PRKAR2B: variants seen among roughly 807,000 people sequenced by gnomAD.
PRKAR2B encodes cAMP-dependent protein kinase type II-beta regulatory subunit.
In PRKAR2B, 14 loss-of-function variants were observed where a neutral mutation model predicts 49.9. That is an observed-to-expected ratio of 0.28 (90% CI 0.19 to 0.44). The LOEUF (loss-of-function observed/expected upper bound fraction) is 0.44, where lower values mean the gene tolerates loss of function less well. Among genes scored for constraint, PRKAR2B ranks in the 20% least tolerant of loss-of-function variants. PRKAR2B has a pLI of 1.00. For synonymous variants in PRKAR2B, 196 were observed against 197.7 expected, an observed-to-expected ratio of 0.99 and a Z score of 0.07; for missense variants, 393 against 537.9, an observed-to-expected ratio of 0.73 and a Z score of 2.67.
intron 1 of PRKAR2B, among the ~76,000 whole-genome samples, chr7:107,061,594 A>G (rs1423376948): frequency 1.3e-5 from 2 of 152,188 alleles, no homozygotes; most frequent in Admixed American, 6.6e-5. Context: ...CAAAGACTTG[A>G]ACACGTCAAT....
intron 2 of PRKAR2B, among the ~76,000 whole-genome samples, chr7:107,105,669 A>T (rs1158211475): frequency 1.3e-5 from 2 of 152,040 alleles, no homozygotes; most frequent in East Asian, 3.9e-4. Context: ...TCAGTCCTCT[A>T]TTCTCTTGGC....
intron 1 of PRKAR2B, among the ~76,000 whole-genome samples, chr7:107,054,086 C>G (rs999618620): frequency 6.6e-6 from 1 of 152,090 alleles, no homozygotes; most frequent in African/African-American, 2.4e-5. Flanking sequence ...TGGTGGCTCA[C>G]AGCCTGTAAT....
intron 2 of PRKAR2B, among the ~76,000 whole-genome samples, chr7:107,104,127 G>A (rs1424205402): frequency 1.3e-5 from 2 of 152,120 alleles, no homozygotes; most frequent in Non-Finnish European, 2.9e-5. Context: ...CGCCTCCTGG[G>A]CTCAAGCAGT....
rs1473090325 is a variant in PRKAR2B at position 107,159,711 on chromosome 7, A to G, written c.*129A>G. ...GTTTTTTCCTTTTTTTACATTTACA[A>G]CGTATCAATAAACAGTAGTGATTTA... On this transcript the variant is annotated 3_prime_UTR_variant, in exon 11 of 11. Transcript: ENST00000265717. 11 of 928,332 alleles carry G rather than the reference A, an allele frequency of 1.2e-5. 1 individual carries two copies. In the South Asian group the frequency reaches 1.9e-4, roughly 16 times the overall value. The allele number at this position is 928,332 out of a possible 1,614,324, so 57.5% of individuals were successfully genotyped here.
chr7:107,056,731 A>G (rs1427977006), intron 1 of PRKAR2B, among the ~76,000 whole-genome samples: 1 of 152,160 alleles, frequency 6.6e-6, no homozygotes, highest in Non-Finnish European at 1.5e-5. Flanking sequence ...GATGTTAAAT[A>G]GACTTTTAAT....
In PRKAR2B at chr7:107,128,309, T is replaced by C; in HGVS notation, c.480+14T>C. The stretch of plus-strand genomic sequence containing the variant: ...AATCTGGATCCGGTAAGATAAATCT[T>C]AATAATAGAAATGGCTTTGTTTTTT... On this transcript the variant is annotated intron_variant, in intron 4 of 10. Transcript: ENST00000265717. 3.2e-6 allele frequency: 5 copies of C among 1,582,060 alleles called. No individual in the cohort carries two copies. The East Asian group carries it at 1.1e-4, about 35-fold the overall frequency.
chr7:107,102,751 A>G (rs1472674699), intron 2 of PRKAR2B, among the ~76,000 whole-genome samples: 2 of 152,078 alleles, frequency 1.3e-5, no homozygotes, highest in Non-Finnish European at 2.9e-5. Context: ...GCTCATTGCA[A>G]CCTCTGCCTC....
chr7:107,078,134 A>G (rs993898157), intron 2 of PRKAR2B: 1 of 150,278 alleles, frequency 6.7e-6, no homozygotes, highest in Non-Finnish European at 1.5e-5. Context: ...CCAGGGACGC[A>G]AAGTTGCGGT....
intron 2 of PRKAR2B, among the ~76,000 whole-genome samples, chr7:107,074,265 G>C (rs1021198050): frequency 6.6e-6 from 1 of 151,450 alleles, no homozygotes; most frequent in African/African-American, 2.4e-5. Flanking sequence ...CACCATGCCT[G>C]GCTAATTTTT....
chr7:107,093,274 A>T (rs1416075625), intron 2 of PRKAR2B, among the ~76,000 whole-genome samples: 1 of 151,926 alleles, frequency 6.6e-6, no homozygotes, highest in African/African-American at 2.4e-5. Context: ...GATTCTGTTT[A>T]TTTTTTTGAG....
At chr7:107,120,218 G>A (rs1037936214) in intron 2 of PRKAR2B, among the ~76,000 whole-genome samples, 1 of 152,066 alleles carries the variant, frequency 6.6e-6, no homozygotes, top group African/African-American at 2.4e-5. Flanking sequence ...CGGGGTGTTC[G>A]GTGCATCATA....
chr7:107,124,077 T>C (rs1377256201), intron 3 of PRKAR2B, among the ~76,000 whole-genome samples: 1 of 152,228 alleles, frequency 6.6e-6, no homozygotes, highest in Non-Finnish European at 1.5e-5. Flanking sequence ...TTTGGACATT[T>C]TGTATTACTT....
chr7:107,153,303 C>T, intron 8 of PRKAR2B, 52 bp downstream of exon 8: 1 of 1,314,080 alleles, frequency 7.6e-7, no homozygotes, highest in Non-Finnish European at 1.1e-6. Context: ...CAAAAGGTTC[C>T]TGTAGTGGTA....
At chr7:107,100,135 C>T (rs1171220192) in intron 2 of PRKAR2B, among the ~76,000 whole-genome samples, 1 of 151,994 alleles carries the variant, frequency 6.6e-6, no homozygotes, top group Non-Finnish European at 1.5e-5. Flanking sequence ...TATCTAGTAT[C>T]ATTTCCTTTT....
intron 2 of PRKAR2B, among the ~76,000 whole-genome samples, chr7:107,092,108 G>A (rs192894089): frequency 3.3e-4 from 50 of 152,238 alleles, no homozygotes; most frequent in African/African-American, 1.1e-3. Context: ...ATAAGGTTTG[G>A]AATATGTGGG....
rs758303446 is a variant in PRKAR2B at position 107,157,045 on chromosome 7, G to A, written c.980G>A (p.Arg327Lys). 1 of 1,611,272 alleles carries A rather than the reference G, an allele frequency of 6.2e-7. No homozygotes were observed. The highest frequency in any genetic ancestry group is 1.1e-5 in the South Asian group (1 of 91,044). The change falls in exon 9 of 11, where the codon AGA becomes AAA. Residue 327 changes from arginine (R) to lysine (K), a missense_variant. Arg to Lys is a conservative substitution (Grantham distance 26, BLOSUM62 2). Coordinates refer to ENST00000265717, the MANE Select transcript of PRKAR2B (RefSeq NM_002736.3). The part of the protein sequence containing the change: ...ESGEVKITMK[R>K]KGKSEVEENG... ...GGAGAAGTGAAAATTACTATGAAAA[G>A]AAAGGTAAGCATTCTAAGTCCTCAG... is the stretch of plus-strand genomic sequence containing the variant.
At chr7:107,136,758 T>G (rs6960708) in intron 4 of PRKAR2B, among the ~76,000 whole-genome samples, 50 of 152,122 alleles carry the variant, frequency 3.3e-4, no homozygotes, top group African/African-American at 1.2e-3. Context: ...AGTGGTGTCT[T>G]TTACAACTAA....
intron 1 of PRKAR2B, among the ~76,000 whole-genome samples, chr7:107,055,226 G>T (rs564377710): frequency 6.6e-6 from 1 of 152,104 alleles, no homozygotes; most frequent in Non-Finnish European, 1.5e-5. Flanking sequence ...TGGACATTTG[G>T]GTTGGTTCCA....
At chr7:107,149,184 T>A (rs1276862476) in intron 6 of PRKAR2B, among the ~76,000 whole-genome samples, 1 of 152,218 alleles carries the variant, frequency 6.6e-6, no homozygotes, top group African/African-American at 2.4e-5. Flanking sequence ...CTTATTCTGA[T>A]GCAGAGCCAG....
Sources: allele counts gnomAD v4.1 joint callset (sites outside exome capture counted in the v4.1 genomes callset), GRCh38; gene constraint gnomAD v4.1.1; transcripts MANE v1.5; gene names NCBI Gene and HGNC (gene_info 2026-07-23, HGNC 2026-07-21).